The following RTKN2 variants were observed in gnomAD, a reference collection of about 807,000 sequenced individuals.
RTKN2 encodes the protein rhotekin-2.
Under a neutral mutation model 71.5 loss-of-function variants are expected in RTKN2, and 69 were observed. That is an observed-to-expected ratio of 0.96 (90% CI 0.79 to 1.18). RTKN2 has a LOEUF of 1.18. RTKN2 is among the 50% of genes most tolerant of loss of function. RTKN2 has a pLI of 0.00. For missense variants in RTKN2, 724 were observed against 719.7 expected, an observed-to-expected ratio of 1.01 and a Z score of -0.07; for synonymous variants, 236 against 236.5, an observed-to-expected ratio of 1.00 and a Z score of 0.02.
chr10:62,238,468 GC>G (rs1415606942), intron 5 of RTKN2: 2 of 151,670 alleles, frequency 1.3e-5, no homozygotes, highest in African/African-American at 4.8e-5. Flanking sequence ...ACAAACAATA[GC>G]AAAATGATGT....
At chr10:62,247,308 C>G (rs1373809091) in intron 2 of RTKN2, among the ~76,000 whole-genome samples, 2 of 151,884 alleles carry the variant, frequency 1.3e-5, no homozygotes, top group African/African-American at 4.8e-5. Flanking sequence ...GGATGAAACT[C>G]ATAAATATAT....
At chr10:62,240,954 C>A (rs562128105) in intron 4 of RTKN2, among the ~76,000 whole-genome samples, 188 bp downstream of exon 4, 1 of 152,262 alleles carries the variant, frequency 6.6e-6, no homozygotes, top group African/African-American at 2.4e-5. Context: ...ACTACATATG[C>A]ACTATATTAA....
chr10:62,243,610 G>A (rs1564521885), intron 3 of RTKN2, among the ~76,000 whole-genome samples: 1 of 152,182 alleles, frequency 6.6e-6, no homozygotes. Flanking sequence ...AAGAGGAGAA[G>A]CTGGATACCG....
At chr10:62,232,171 G>C (rs1011926100) in intron 6 of RTKN2, among the ~76,000 whole-genome samples, 3 of 152,036 alleles carry the variant, frequency 2.0e-5, no homozygotes, top group Non-Finnish European at 2.9e-5. Flanking sequence ...AAACCAAATA[G>C]AATGAAAAAT....
Position 62,198,356 on chromosome 10 carries a change from T to A in RTKN2, c.1382A>T (p.Gln461Leu). The A allele has an allele frequency of 6.2e-7, 1 of 1,612,570 alleles. No individual in the cohort carries two copies. Among genetic ancestry groups the A allele is most frequent in the Non-Finnish European group, 8.5e-7 (1 of 1,179,448 alleles). ...AGGAGGTGGTAAGGATTCTTCATGC[T>A]GACCAATAAGGAACTGCCCATTTGT... ...EETNGQFLIG[Q>L]HEESLPPPWA... Residue 461 changes from glutamine to leucine, a missense_variant, in exon 12 of 12, where the codon CAG becomes CTG. Coordinates refer to ENST00000373789, the MANE Select transcript of RTKN2 (RefSeq NM_145307.4).
At chr10:62,184,252 C>A (rs1841099744) in exon 9 of RTKN2, 6 of 1,028,970 alleles carry the variant, frequency 5.8e-6, no homozygotes, top group Non-Finnish European at 8.7e-6. Context: ...ATGAAGCTTA[C>A]ATTCTACTAG....
chr10:62,213,913 G>A (rs1048519152), intron 9 of RTKN2, among the ~76,000 whole-genome samples: 6 of 151,932 alleles, frequency 3.9e-5, no homozygotes, highest in African/African-American at 1.4e-4. Flanking sequence ...GTTTTAGGAA[G>A]TAACAAATAT....
chr10:62,268,715 A>C lies in RTKN2; in HGVS notation c.-105T>G, dbSNP rs1232252660. 1.6e-6 allele frequency: 2 copies of C among 1,231,514 alleles called. No individual in the cohort carries two copies. Among genetic ancestry groups the C allele is most frequent in the Non-Finnish European group, 2.3e-6 (2 of 883,470 alleles). 76.3% of individuals were successfully genotyped at this position (1,231,514 alleles called of 1,614,324 possible). A position where few individuals can be genotyped will look rare whatever the true frequency, so the allele number is the denominator to read the frequency against. On this transcript the variant is annotated 5_prime_UTR_variant, in exon 1 of 12. Transcript: ENST00000373789. ...AGGACGCCAACCGCCCGGCCGTACCAAGTCCCAGTCGCAGGGGCCGGGGGC... is the reference window on the plus strand; with the variant it reads ...AGGACGCCAACCGCCCGGCCGTACCCAGTCCCAGTCGCAGGGGCCGGGGGC...
At chr10:62,213,024 C>G (rs1394206649) in intron 9 of RTKN2, among the ~76,000 whole-genome samples, 2 of 152,108 alleles carry the variant, frequency 1.3e-5, no homozygotes, top group African/African-American at 4.8e-5. Context: ...AAGTATTTAT[C>G]CTGCCTTTTC....
chr10:62,254,296 A>G (rs1842634678), intron 2 of RTKN2, among the ~76,000 whole-genome samples: 2 of 152,042 alleles, frequency 1.3e-5, no homozygotes, highest in South Asian at 4.2e-4. Context: ...CTGGTTGTTT[A>G]AAAGTGTGTA....
chr10:62,256,072 G>A (rs1842669146), intron 2 of RTKN2, among the ~76,000 whole-genome samples: 1 of 150,220 alleles, frequency 6.7e-6, no homozygotes, highest in Non-Finnish European at 1.5e-5. Flanking sequence ...AGGCTGGAGT[G>A]CAGTGGCATG....
In RTKN2 at chr10:62,268,506, C is replaced by A. The variant is rs111430903; in HGVS notation, c.60+45G>T. On this transcript the variant is annotated intron_variant, in intron 1 of 11. Transcript: ENST00000373789. Reference sequence around the variant, plus strand: ...AAAGCAAATGCGCGAGGAACAGAACCCCGGCTCCCTCACCTTCCGCGGCAG... The same window carrying A: ...AAAGCAAATGCGCGAGGAACAGAACACCGGCTCCCTCACCTTCCGCGGCAG... The A allele has an allele frequency of 1.5e-5, 23 of 1,532,994 alleles. No individual in the cohort carries two copies. In the African/African-American group the frequency reaches 1.6e-4, roughly 11 times the overall value. The allele number at this position is 1,532,994 out of a possible 1,614,324, so 95.0% of individuals were successfully genotyped here. A position where few individuals can be genotyped will look rare whatever the true frequency, so the allele number is the denominator to read the frequency against.
intron 7 of RTKN2, 37 bp from the exon 8 acceptor site, chr10:62,218,338 T>C (rs1447455121): frequency 3.0e-6 from 4 of 1,330,332 alleles, no homozygotes; most frequent in South Asian, 1.3e-5. Context: ...AATCAAGTTA[T>C]AAATATAAGT....
chr10:62,266,457 G>T (rs1290959223), intron 1 of RTKN2, among the ~76,000 whole-genome samples: 1 of 152,156 alleles, frequency 6.6e-6, no homozygotes, highest in African/African-American at 2.4e-5. Context: ...TTCTCATTTT[G>T]CTAAAAGAAA....
In RTKN2 at chr10:62,213,467, A is replaced by C. The variant is rs116714097; in HGVS notation, c.1020+3651T>G. Among the ~76,000 whole-genome samples the C allele has an allele frequency of 9.4e-3, 1,431 of 152,332 alleles. 26 individuals carry two copies. Among genetic ancestry groups the C allele is most frequent in the African/African-American group, 0.033 (1,362 of 41,572 alleles). On this transcript the variant is annotated intron_variant, in intron 9 of 11. Coordinates refer to ENST00000373789, the MANE Select transcript of RTKN2 (RefSeq NM_145307.4). ...AAATTAGAAGAATTGTCGAGGATGC[A>C]TAATCCCTGAATAATCCTGGACTGA...
chr10:62,195,201 ATATC>A lies in RTKN2; in HGVS notation c.*2703_*2706del, dbSNP rs1204219405. 2.0e-6 allele frequency: 2 copies of A among 978,310 alleles called. No homozygotes were observed. Among genetic ancestry groups the A allele is most frequent in the African/African-American group, 3.5e-5 (2 of 57,080 alleles). 60.6% of individuals were successfully genotyped at this position (978,310 alleles called of 1,614,324 possible). On this transcript the variant is annotated 3_prime_UTR_variant, in exon 12 of 12. Coordinates refer to ENST00000373789, the MANE Select transcript of RTKN2 (RefSeq NM_145307.4). ...ATCATCAGAATTATCATATCATAAA[ATATC>A]TATTCTGTTTCCCCAATTATATTAT... is the stretch of plus-strand genomic sequence containing the variant.
At chr10:62,252,815 TA>T (rs1330220451) in intron 2 of RTKN2, among the ~76,000 whole-genome samples, 1 of 151,922 alleles carries the variant, frequency 6.6e-6, no homozygotes, top group African/African-American at 2.4e-5. Flanking sequence ...GGGAAATACA[TA>T]AAAAAACTTA....
chr10:62,242,430 GTTT>G (rs1031736925), intron 3 of RTKN2, among the ~76,000 whole-genome samples: 1 of 151,554 alleles, frequency 6.6e-6, no homozygotes. Context: ...TAATATTTTT[GTTT>G]TTTGGAGGTT....
At chr10:62,189,815 A>AT (rs541079750), downstream of RTKN2, among the ~76,000 whole-genome samples, 3,497 of 142,336 alleles carry the variant, frequency 0.025, 55 homozygotes, top group Non-Finnish European at 0.033. Context: ...GGCAACAGAG[A>AT]TTTTTTTTTT....
Sources: gnomAD v4.1 joint callset for allele counts (sites outside exome capture counted in the v4.1 genomes callset) on GRCh38, gnomAD v4.1.1 for gene constraint, MANE v1.5 for transcripts, NCBI Gene and HGNC (gene_info 2026-07-23, HGNC 2026-07-21) for gene names.